KIF2A: variants seen among roughly 807,000 people sequenced by gnomAD.
KIF2A encodes the protein kinesin family member 2A, also known as kinesin-like protein KIF2A.
Under a neutral mutation model 100.2 loss-of-function variants are expected in KIF2A, and 22 were observed. That is an observed-to-expected ratio of 0.22 (90% CI 0.16 to 0.31). KIF2A has a LOEUF of 0.31. KIF2A is among the 10% of genes least tolerant of loss of function. KIF2A has a pLI of 1.00. For missense variants in KIF2A, 495 were observed against 898.7 expected (o/e 0.55, Z 5.74); for synonymous variants, 268 against 285.9 (o/e 0.94, Z 0.63).
chr5:62,328,224 G>A (rs762205805), intron 1 of KIF2A, among the ~76,000 whole-genome samples: 6 of 151,984 alleles, frequency 3.9e-5, no homozygotes, highest in African/African-American at 1.2e-4. Context: ...ATGTAGATAC[G>A]AAGAATAGCC....
intron 1 of KIF2A, among the ~76,000 whole-genome samples, chr5:62,343,539 C>G (rs1207509978): frequency 6.6e-6 from 1 of 152,070 alleles, no homozygotes; most frequent in African/African-American, 2.4e-5. Context: ...ATTAATAGGT[C>G]ATTGAAAGGA....
At chr5:62,321,334 G>C (rs938963613) in intron 1 of KIF2A, among the ~76,000 whole-genome samples, 3 of 152,140 alleles carry the variant, frequency 2.0e-5, no homozygotes, top group Non-Finnish European at 4.4e-5. Flanking sequence ...TTGAGGAACT[G>C]CTGTATTATT....
chr5:62,349,851 A>G (rs1747763301), intron 3 of KIF2A, among the ~76,000 whole-genome samples: 1 of 152,184 alleles, frequency 6.6e-6, no homozygotes, highest in Non-Finnish European at 1.5e-5. Context: ...GGCTCATATT[A>G]ATTCCTGAAT....
intron 1 of KIF2A, among the ~76,000 whole-genome samples, chr5:62,319,003 T>G (rs1323809657): frequency 6.6e-6 from 1 of 152,196 alleles, no homozygotes; most frequent in East Asian, 1.9e-4. Context: ...CCTTATAGCC[T>G]TATTACCATG....
At chr5:62,361,652 A>T in intron 11 of KIF2A, 123 bp downstream of exon 11, 1 of 583,444 alleles carries the variant, frequency 1.7e-6, no homozygotes, top group South Asian at 2.5e-5. Context: ...CTATTATGTC[A>T]ATTATAGGTT....
At chr5:62,372,959 G>A (rs1051646953) in intron 17 of KIF2A, among the ~76,000 whole-genome samples, 7 of 151,856 alleles carry the variant, frequency 4.6e-5, no homozygotes, top group East Asian at 1.9e-4. Context: ...TCTTTTGGCC[G>A]GGCGTGGTGG....
intron 1 of KIF2A, among the ~76,000 whole-genome samples, chr5:62,327,557 G>A (rs79188743): frequency 0.044 from 6,643 of 152,212 alleles, 458 homozygotes; most frequent in African/African-American, 0.15. Context: ...ATCTCCACTG[G>A]ACAGATATCT....
rs1415900421 is a variant in KIF2A at position 62,389,945 on chromosome 5, A to G, written c.*4376A>G. ...TAGAAACAGGTCCAGATAAATTTCT[A>G]AAAAAGCAAAGTAGATATTTATGAA... On this transcript the variant is annotated 3_prime_UTR_variant, in exon 21 of 21. Transcript: ENST00000407818. Among the ~76,000 whole-genome samples, 1 of 152,232 alleles carries G rather than the reference A, an allele frequency of 6.6e-6. No homozygotes were observed. Among genetic ancestry groups the G allele is most frequent in the Non-Finnish European group, 1.5e-5 (1 of 68,034 alleles).
rs376406908 is a variant in KIF2A, at chr5:62,388,830, T to C, written c.*3261T>C. 31 of 627,050 alleles carry C rather than the reference T, an allele frequency of 4.9e-5. No individual in the cohort carries two copies. The highest frequency in any genetic ancestry group is 2.4e-4 in the African/African-American group (13 of 54,046). The allele number at this position is 627,050 out of a possible 1,614,324, so 38.8% of individuals were successfully genotyped here. A position where few individuals can be genotyped will look rare whatever the true frequency, so the allele number is the denominator to read the frequency against. On this transcript the variant is annotated 3_prime_UTR_variant, in exon 21 of 21. Transcript: ENST00000407818. ...CAGCATTATATATTAAAAACTTTGA[T>C]ACTTAGAACTTTCCAACTTTAAAAT...
At chr5:62,349,462 G>A (rs1747736091) in intron 3 of KIF2A, among the ~76,000 whole-genome samples, 1 of 151,934 alleles carries the variant, frequency 6.6e-6, no homozygotes, top group Non-Finnish European at 1.5e-5. Context: ...TGCATCCAAG[G>A]TTAAGACAGC....
rs1235151834 is a variant in KIF2A, at chr5:62,362,559, T to A, written c.1119+18T>A. 6 of 1,164,164 alleles carry A rather than the reference T, an allele frequency of 5.2e-6. No homozygotes were observed. The East Asian group carries it at 9.3e-5, about 18-fold the overall frequency. The allele number at this position is 1,164,164 out of a possible 1,614,324, so 72.1% of individuals were successfully genotyped here. A position where few individuals can be genotyped will look rare whatever the true frequency, so the allele number is the denominator to read the frequency against. ...GTGGAAAGGTAAGTGGGAACTTTTT[T>A]AATTTTAATTTTTTAAAATATATAT... On this transcript the variant is annotated intron_variant, in intron 12 of 20. Coordinates refer to ENST00000407818, the MANE Select transcript of KIF2A (RefSeq NM_001098511.3).
Position 62,339,937 on chromosome 5 carries a change from C to CTT in KIF2A, c.65-7176_65-7175dup, listed in dbSNP as rs36051288. Among the ~76,000 whole-genome samples, 372 of 130,578 alleles carry CTT rather than the reference C, an allele frequency of 2.8e-3. 3 individuals are homozygous for CTT. Among genetic ancestry groups the CTT allele is most frequent in the Middle Eastern group, 4.2e-3 (1 of 236 alleles). 85.7% of individuals were successfully genotyped at this position (130,578 alleles called of 152,430 possible). A position where few individuals can be genotyped will look rare whatever the true frequency, so the allele number is the denominator to read the frequency against. ...AATATCTGGGTAGTTACTTTTAGTA[C>CTT]TTTTTTTTTTTTTTTTTTGAGACAG... On this transcript the variant is annotated intron_variant, in intron 1 of 20. Transcript: ENST00000407818.
intron 18 of KIF2A, among the ~76,000 whole-genome samples, chr5:62,375,878 G>T (rs1394241502): frequency 6.6e-6 from 1 of 152,144 alleles, no homozygotes; most frequent in African/African-American, 2.4e-5. Context: ...CCCATACAAT[G>T]TCAGTAGTTC....
At chr5:62,322,066 C>G (rs1746119445) in intron 1 of KIF2A, among the ~76,000 whole-genome samples, 1 of 152,046 alleles carries the variant, frequency 6.6e-6, no homozygotes, top group Non-Finnish European at 1.5e-5. Flanking sequence ...ACCACAGGCA[C>G]AAGCCACCTT....
chr5:62,334,527 CCCTCTT>C (rs1038971677), intron 1 of KIF2A, among the ~76,000 whole-genome samples: 1 of 142,842 alleles, frequency 7.0e-6, no homozygotes. Flanking sequence ...CTCTTCCTCC[CCCTCTT>C]CCTCTTCCTT....
intron 1 of KIF2A, among the ~76,000 whole-genome samples, chr5:62,319,444 C>G (rs776139724): frequency 7.2e-5 from 11 of 152,226 alleles, no homozygotes; most frequent in Non-Finnish European, 1.3e-4. Context: ...CACTCCACTT[C>G]TAACTAACCT....
At chr5:62,323,813 G>A (rs1333561034) in intron 1 of KIF2A, among the ~76,000 whole-genome samples, 2 of 152,050 alleles carry the variant, frequency 1.3e-5, no homozygotes, top group Non-Finnish European at 2.9e-5. Flanking sequence ...CGAGGTGGGT[G>A]GATCGCCTGA....
chr5:62,357,774 G>T (rs772031884), intron 8 of KIF2A, 29 bp downstream of exon 8: 2 of 1,305,800 alleles, frequency 1.5e-6, no homozygotes, highest in South Asian at 1.3e-5. Context: ...TCTAATAAAA[G>T]ATTGATTTTA....
chr5:62,331,271 C>A (rs949862353), intron 1 of KIF2A, among the ~76,000 whole-genome samples: 2 of 152,114 alleles, frequency 1.3e-5, no homozygotes. Context: ...ATTAGCCAGG[C>A]GTGGTGGTGC....
Sources: gnomAD v4.1 joint callset for allele counts (sites outside exome capture counted in the v4.1 genomes callset) on GRCh38, gnomAD v4.1.1 for gene constraint, MANE v1.5 for transcripts, NCBI Gene and HGNC (gene_info 2026-07-23, HGNC 2026-07-21) for gene names.